The following ATP1B3 variants were observed in gnomAD, a reference collection of about 807,000 sequenced individuals.
The protein encoded by ATP1B3 is ATPase Na+/K+ transporting subunit beta 3.
Under a neutral mutation model 30.2 loss-of-function variants are expected in ATP1B3, and 10 were observed. That is an observed-to-expected ratio of 0.33 (90% CI 0.20 to 0.56). The LOEUF (loss-of-function observed/expected upper bound fraction) is 0.56. Among genes scored for constraint, ATP1B3 ranks in the 20% least tolerant of loss-of-function variants. The probability of loss-of-function intolerance (pLI) is 0.90; values close to 1 mark genes in which losing one functional copy is unlikely to be tolerated. For synonymous variants in ATP1B3, 113 were observed against 117.0 expected (o/e 0.97, Z 0.22); for missense variants, 238 against 336.7 (o/e 0.71, Z 2.29).
rs988576636 is a variant in ATP1B3 at position 141,894,739 on chromosome 3, A to G, written c.110-8881A>G. Among the ~76,000 whole-genome samples the G allele has an allele frequency of 2.6e-4, 40 of 152,172 alleles. 1 individual carries two copies. Among genetic ancestry groups the G allele is most frequent in the South Asian group, 4.1e-4 (2 of 4,836 alleles). Reference sequence around the variant, plus strand: ...CATGGGGCTGTCCTCTGTGATGACAATGCCTTCTTCTGGATACCTCCTGAA... The same window carrying G: ...CATGGGGCTGTCCTCTGTGATGACAGTGCCTTCTTCTGGATACCTCCTGAA... On this transcript the variant is annotated intron_variant, in intron 1 of 6. Transcript: ENST00000286371.
intron 1 of ATP1B3, among the ~76,000 whole-genome samples, chr3:141,894,785 C>T (rs913159925): frequency 1.2e-4 from 18 of 152,128 alleles, no homozygotes; most frequent in African/African-American, 4.3e-4. Flanking sequence ...AGGCTTTTTA[C>T]AGTTAACTTT....
chr3:141,924,633 A>G (rs1312894372), intron 6 of ATP1B3, among the ~76,000 whole-genome samples: 1 of 151,678 alleles, frequency 6.6e-6, no homozygotes, highest in Non-Finnish European at 1.5e-5. Flanking sequence ...TGGGCAACAT[A>G]CTCCATTTCA....
intron 1 of ATP1B3, 143 bp downstream of exon 1, chr3:141,877,053 C>T (rs1302792793): frequency 1.3e-4 from 59 of 465,824 alleles, no homozygotes; most frequent in Non-Finnish European, 2.0e-4. Flanking sequence ...GGCGGCGGCG[C>T]AGTGCGGCCC....
At chr3:141,898,447 A>T (rs1415030813) in intron 1 of ATP1B3, among the ~76,000 whole-genome samples, 1 of 152,230 alleles carries the variant, frequency 6.6e-6, no homozygotes, top group Non-Finnish European at 1.5e-5. Flanking sequence ...AAATGATCTG[A>T]ATAGACAGTT....
chr3:141,880,926 G>A (rs567474245), intron 1 of ATP1B3, among the ~76,000 whole-genome samples: 12 of 152,262 alleles, frequency 7.9e-5, no homozygotes, highest in Middle Eastern at 3.4e-3. Context: ...CAAACCAGGC[G>A]GGACATGGTG....
At chr3:141,887,919 C>T (rs1409796312) in intron 1 of ATP1B3, among the ~76,000 whole-genome samples, 1 of 152,030 alleles carries the variant, frequency 6.6e-6, no homozygotes, top group Non-Finnish European at 1.5e-5. Context: ...GGGAGAATGA[C>T]TAGGAAGGGA....
At chr3:141,903,333 A>G (rs1934201788) in intron 1 of ATP1B3, among the ~76,000 whole-genome samples, 1 of 152,122 alleles carries the variant, frequency 6.6e-6, no homozygotes, top group Admixed American at 6.6e-5. Flanking sequence ...TATGTACTGG[A>G]ATTTTAAAGC....
At chr3:141,923,000 G>A (rs1190049563) in intron 6 of ATP1B3, among the ~76,000 whole-genome samples, 2 of 149,998 alleles carry the variant, frequency 1.3e-5, no homozygotes, top group African/African-American at 4.9e-5. Flanking sequence ...CATTGCGGCC[G>A]GGTGTGGTGG....
chr3:141,886,778 A>G (rs1026800441), intron 1 of ATP1B3, among the ~76,000 whole-genome samples: 2 of 152,198 alleles, frequency 1.3e-5, no homozygotes. Context: ...TGGGAGGACT[A>G]CTTTAGGCCA....
intron 5 of ATP1B3, among the ~76,000 whole-genome samples, chr3:141,916,787 G>C (rs949275558): frequency 6.6e-6 from 1 of 152,184 alleles, no homozygotes; most frequent in African/African-American, 2.4e-5. Context: ...TCACTCATCA[G>C]AGTCATGTTG....
At chr3:141,892,828 TGGAG>T in intron 1 of ATP1B3, among the ~76,000 whole-genome samples, 1 of 152,156 alleles carries the variant, frequency 6.6e-6, no homozygotes, top group Admixed American at 6.5e-5. Flanking sequence ...ATATCTTTAA[TGGAG>T]CGGTAGCTTC....
intron 2 of ATP1B3, 25 bp downstream of exon 2, chr3:141,903,773 T>C (rs1218496381): frequency 1.9e-6 from 3 of 1,598,108 alleles, no homozygotes; most frequent in Non-Finnish European, 2.6e-6. Context: ...GTTATGACTT[T>C]GTTTTTTGTT....
At chr3:141,886,313 G>A (rs1044518349) in intron 1 of ATP1B3, among the ~76,000 whole-genome samples, 5 of 151,990 alleles carry the variant, frequency 3.3e-5, no homozygotes, top group Admixed American at 6.5e-5. Flanking sequence ...CAATCTCTTC[G>A]TTCTGTGCAC....
chr3:141,925,134 A>C (rs1934633574), intron 6 of ATP1B3, among the ~76,000 whole-genome samples: 1 of 152,214 alleles, frequency 6.6e-6, no homozygotes. Flanking sequence ...AAAATTAAAA[A>C]GAATGCAGAG....
chr3:141,925,464 T>A, intron 6 of ATP1B3, 67 bp from the exon 7 acceptor site: 1 of 1,507,928 alleles, frequency 6.6e-7, no homozygotes, highest in Non-Finnish European at 8.9e-7. Flanking sequence ...AATAAGCCAA[T>A]TCCTGGTAGA....
chr3:141,897,413 A>G (rs2107769997), intron 1 of ATP1B3, among the ~76,000 whole-genome samples: 1 of 152,280 alleles, frequency 6.6e-6, no homozygotes, highest in East Asian at 1.9e-4. Context: ...TTCACATGTG[A>G]ATTTCTATCA....
intron 1 of ATP1B3, among the ~76,000 whole-genome samples, chr3:141,877,377 G>A (rs1372623830): frequency 6.6e-6 from 1 of 152,178 alleles, no homozygotes; most frequent in African/African-American, 2.4e-5. Flanking sequence ...CCAGGGGAGA[G>A]GAAATTTCCA....
At chr3:141,897,980 GA>G (rs1934099474) in intron 1 of ATP1B3, among the ~76,000 whole-genome samples, 1 of 152,172 alleles carries the variant, frequency 6.6e-6, no homozygotes, top group Admixed American at 6.5e-5. Context: ...AAAGTGCTGG[GA>G]TTATAGGCAT....
At chr3:141,880,979 C>T (rs1559863644) in intron 1 of ATP1B3, among the ~76,000 whole-genome samples, 1 of 152,032 alleles carries the variant, frequency 6.6e-6, no homozygotes, top group African/African-American at 2.4e-5. Flanking sequence ...CTGAGGCGGG[C>T]GGATCACCTG....
Sources: gnomAD v4.1 joint callset for allele counts (sites outside exome capture counted in the v4.1 genomes callset) on GRCh38, gnomAD v4.1.1 for gene constraint, MANE v1.5 for transcripts, NCBI Gene and HGNC (gene_info 2026-07-23, HGNC 2026-07-21) for gene names.